The following GRID2 variants were observed in gnomAD, a reference collection of about 807,000 sequenced individuals.
The protein encoded by GRID2 is glutamate receptor ionotropic, delta-2.
In GRID2, 33 loss-of-function variants were observed where a neutral mutation model predicts 114.8. The observed-to-expected ratio is 0.29, with a 90% CI of 0.22 to 0.38. The LOEUF is 0.38. GRID2 is among the 10% of genes least tolerant of loss of function. The pLI is 1.00. For synonymous variants in GRID2, 505 were observed against 449.9 expected, an observed-to-expected ratio of 1.12 and a Z score of -1.55; for missense variants, 1,184 against 1,257.7, an observed-to-expected ratio of 0.94 and a Z score of 0.89.
intron 8 of GRID2, among the ~76,000 whole-genome samples, chr4:93,295,641 C>A (rs1038320871): frequency 1.3e-5 from 2 of 152,248 alleles, no homozygotes; most frequent in Non-Finnish European, 2.9e-5. Context: ...TCATCCTTCT[C>A]ATTTTTCTTC....
chr4:92,815,112 C>T (rs1054933390), intron 2 of GRID2, among the ~76,000 whole-genome samples: 3 of 152,082 alleles, frequency 2.0e-5, no homozygotes, highest in Non-Finnish European at 2.9e-5. Context: ...GATAGAAATA[C>T]ATTCTTAACT....
intron 13 of GRID2, among the ~76,000 whole-genome samples, chr4:93,517,745 T>C (rs1729871518): frequency 6.6e-6 from 1 of 151,822 alleles, no homozygotes; most frequent in South Asian, 2.1e-4. Flanking sequence ...TTCAAGAAAC[T>C]AGTCTTGAAC....
chr4:93,502,756 C>T (rs1226464050), intron 12 of GRID2, among the ~76,000 whole-genome samples: 2 of 149,296 alleles, frequency 1.3e-5, no homozygotes, highest in Admixed American at 1.3e-4. Flanking sequence ...CACACACACA[C>T]GTACTACAGC....
intron 2 of GRID2, among the ~76,000 whole-genome samples, chr4:92,880,550 G>T (rs187931012): frequency 6.6e-6 from 1 of 152,096 alleles, no homozygotes; most frequent in Admixed American, 6.5e-5. Context: ...TTGAAATTTT[G>T]TCATATAACT....
At chr4:93,182,899 C>T (rs1740031017) in intron 4 of GRID2, among the ~76,000 whole-genome samples, 1 of 152,204 alleles carries the variant, frequency 6.6e-6, no homozygotes, top group Non-Finnish European at 1.5e-5. Flanking sequence ...TTCTTGGGCA[C>T]CAGCCCAGAC....
intron 1 of GRID2, among the ~76,000 whole-genome samples, chr4:92,570,926 G>A (rs931552764): frequency 1.3e-5 from 2 of 151,974 alleles, no homozygotes; most frequent in African/African-American, 4.8e-5. Flanking sequence ...CTTTGTATTT[G>A]AATGTCTTTC....
chr4:93,138,227 G>A (rs760062046), intron 4 of GRID2, among the ~76,000 whole-genome samples: 3 of 151,878 alleles, frequency 2.0e-5, no homozygotes, highest in Middle Eastern at 3.4e-3. Context: ...CACCTGTCTC[G>A]GCCTCCCAAA....
chr4:92,686,992 A>T (rs774750354), intron 2 of GRID2, among the ~76,000 whole-genome samples: 2 of 152,142 alleles, frequency 1.3e-5, no homozygotes, highest in Non-Finnish European at 1.5e-5. Context: ...TCTTGTCATT[A>T]TAAGTTAGAT....
intron 2 of GRID2, among the ~76,000 whole-genome samples, chr4:92,697,277 A>T (rs572893538): frequency 6.6e-6 from 1 of 152,254 alleles, no homozygotes; most frequent in South Asian, 2.1e-4. Flanking sequence ...AACCCCTTAC[A>T]TAACAGAGGA....
chr4:92,400,366 C>T (rs1730728632), intron 1 of GRID2, among the ~76,000 whole-genome samples: 2 of 152,124 alleles, frequency 1.3e-5, no homozygotes, highest in Non-Finnish European at 2.9e-5. Flanking sequence ...AATATGTGGC[C>T]TTTTGTCACA....
chr4:93,761,329 T>C (rs1357468274), intron 14 of GRID2, among the ~76,000 whole-genome samples: 3 of 152,196 alleles, frequency 2.0e-5, no homozygotes, highest in Admixed American at 6.5e-5. Flanking sequence ...TCTTCATCAG[T>C]GAAATGAGAA....
In GRID2 at chr4:93,291,629, G is replaced by A. The variant is rs569116062; in HGVS notation, c.1245+53139G>A. Among the ~76,000 whole-genome samples the A allele has an allele frequency of 2.6e-5, 4 of 152,230 alleles. No individual in the cohort carries two copies. The East Asian group carries it at 7.7e-4, about 29-fold the overall frequency. The stretch of plus-strand genomic sequence containing the variant: ...CTTGGCTTTCCAGATGCTTTAAATA[G>A]GTTAAAACTGAGAAGCATGTAAATC... On this transcript the variant is annotated intron_variant, in intron 8 of 15. Coordinates refer to ENST00000282020, the MANE Select transcript of GRID2 (RefSeq NM_001510.4).
chr4:92,924,854 C>A (rs532572282), intron 2 of GRID2, among the ~76,000 whole-genome samples: 2 of 152,106 alleles, frequency 1.3e-5, no homozygotes, highest in Admixed American at 6.6e-5. Flanking sequence ...GCAATAAGAT[C>A]CTTTGTTGTA....
intron 1 of GRID2, among the ~76,000 whole-genome samples, chr4:92,355,277 A>ATT (rs544969840): frequency 5.6e-4 from 84 of 151,174 alleles, no homozygotes; most frequent in African/African-American, 1.9e-3. Flanking sequence ...TTTGAAATGG[A>ATT]TTTTTTTTTA....
chr4:93,677,427 T>C (rs558287139), intron 14 of GRID2, among the ~76,000 whole-genome samples: 185 of 152,268 alleles, frequency 1.2e-3, no homozygotes, highest in African/African-American at 4.1e-3. Context: ...AAGAGAGCAG[T>C]GGTTCTCCCA....
chr4:93,671,793 A>G (rs1336037656), intron 14 of GRID2, among the ~76,000 whole-genome samples: 2 of 151,102 alleles, frequency 1.3e-5, no homozygotes, highest in African/African-American at 4.9e-5. Flanking sequence ...ACATGCTGAA[A>G]CCCTGTCTCT....
intron 2 of GRID2, among the ~76,000 whole-genome samples, chr4:93,019,014 A>G (rs1723028818): frequency 6.6e-6 from 1 of 152,192 alleles, no homozygotes; most frequent in Non-Finnish European, 1.5e-5. Flanking sequence ...TATGTGAGTT[A>G]TCTAGCTCAA....
intron 8 of GRID2, among the ~76,000 whole-genome samples, chr4:93,268,588 A>G (rs1056965599): frequency 3.9e-5 from 6 of 152,198 alleles, no homozygotes; most frequent in Non-Finnish European, 8.8e-5. Flanking sequence ...TTCATGAAAT[A>G]AAAACAGATT....
chr4:92,591,729 A>G (rs961154387), intron 2 of GRID2, among the ~76,000 whole-genome samples: 9 of 152,284 alleles, frequency 5.9e-5, no homozygotes, highest in African/African-American at 1.9e-4. Flanking sequence ...GTTAGTTAGA[A>G]AATAGATATG....
Sources: allele counts gnomAD v4.1 joint callset (sites outside exome capture counted in the v4.1 genomes callset), GRCh38; gene constraint gnomAD v4.1.1; transcripts MANE v1.5; gene names NCBI Gene and HGNC (gene_info 2026-07-23, HGNC 2026-07-21).